The following ARSB variants were observed in gnomAD, a reference collection of about 807,000 sequenced individuals.
The protein encoded by ARSB is N-acetylgalactosamine-4-sulfatase.
A neutral mutation model predicts 50.9 loss-of-function variants in ARSB; 41 were observed. That is an observed-to-expected ratio of 0.81 (90% CI 0.63 to 1.04). The LOEUF (loss-of-function observed/expected upper bound fraction) is 1.04. ARSB is among the 50% of genes least tolerant of loss of function. The pLI is 0.00. For synonymous variants in ARSB, 269 were observed against 284.8 expected (o/e 0.94, Z 0.56); for missense variants, 672 against 693.3 (o/e 0.97, Z 0.35).
chr5:78,917,757 C>A (rs1049022417), intron 4 of ARSB, among the ~76,000 whole-genome samples: 1 of 152,200 alleles, frequency 6.6e-6, no homozygotes, highest in African/African-American at 2.4e-5. Flanking sequence ...AAGTGATCCA[C>A]CCACCTCGGC....
At chr5:78,905,337 T>C (rs60200329) in intron 4 of ARSB, among the ~76,000 whole-genome samples, 48,560 of 131,034 alleles carry the variant, frequency 0.37, 10,141 homozygotes, top group East Asian at 0.45. Context: ...ACTGCTCGTA[T>C]TTTCCTGTTT....
intron 6 of ARSB, among the ~76,000 whole-genome samples, chr5:78,833,097 T>C (rs1224470114): frequency 6.6e-6 from 1 of 152,168 alleles, no homozygotes; most frequent in Non-Finnish European, 1.5e-5. Context: ...GCAGTTCTCC[T>C]TGTGGTCTGA....
chr5:78,806,093 C>A (rs985324143), intron 6 of ARSB, among the ~76,000 whole-genome samples: 4 of 152,208 alleles, frequency 2.6e-5, no homozygotes, highest in Non-Finnish European at 5.9e-5. Context: ...CTGAGCAATA[C>A]AATAGAGAGA....
At chr5:78,841,068 G>A (rs1247851841) in intron 5 of ARSB, among the ~76,000 whole-genome samples, 6 of 151,910 alleles carry the variant, frequency 3.9e-5, no homozygotes, top group African/African-American at 1.5e-4. Flanking sequence ...GCTGAGATGG[G>A]AGGATCCCTT....
intron 6 of ARSB, among the ~76,000 whole-genome samples, chr5:78,802,317 AATTAT>A (rs1411579073): frequency 6.6e-6 from 1 of 150,634 alleles, no homozygotes; most frequent in Non-Finnish European, 1.5e-5. Context: ...ATATTATTTA[AATTAT>A]ATTTGTTAAA....
chr5:78,916,173 A>T (rs1749536227), intron 4 of ARSB, among the ~76,000 whole-genome samples: 1 of 152,126 alleles, frequency 6.6e-6, no homozygotes, highest in Non-Finnish European at 1.5e-5. Flanking sequence ...ATAATTACAC[A>T]CTCTACCTTA....
intron 5 of ARSB, among the ~76,000 whole-genome samples, chr5:78,875,632 T>C (rs954182432): frequency 6.6e-6 from 1 of 151,822 alleles, no homozygotes; most frequent in African/African-American, 2.4e-5. Flanking sequence ...ATGAAATAAA[T>C]ACATTCTTTC....
intron 6 of ARSB, among the ~76,000 whole-genome samples, chr5:78,791,201 G>A (rs1240591365): frequency 2.0e-5 from 3 of 152,140 alleles, no homozygotes; most frequent in Non-Finnish European, 4.4e-5. Flanking sequence ...AGCTGTCCCA[G>A]AAATTTGGTT....
intron 4 of ARSB, among the ~76,000 whole-genome samples, chr5:78,943,624 G>A (rs1316594901): frequency 1.3e-5 from 2 of 152,200 alleles, no homozygotes; most frequent in Non-Finnish European, 2.9e-5. Context: ...CTTCTGGCTT[G>A]TAGAGTTTCT....
At chr5:78,927,223 T>C (rs950014460) in intron 4 of ARSB, among the ~76,000 whole-genome samples, 5 of 152,238 alleles carry the variant, frequency 3.3e-5, no homozygotes, top group Non-Finnish European at 7.3e-5. Context: ...ATATTATCAT[T>C]TCAATATGTA....
intron 6 of ARSB, among the ~76,000 whole-genome samples, chr5:78,830,487 C>A (rs1456638695): frequency 1.3e-5 from 2 of 152,050 alleles, no homozygotes; most frequent in African/African-American, 4.8e-5. Flanking sequence ...GTAGCCTAGG[C>A]CAGTGGTGAG....
rs427984 is a variant in ARSB at position 78,891,976 on chromosome 5, T to A, written c.899-6149A>T. Among the ~76,000 whole-genome samples the A allele has an allele frequency of 1.2e-4, 18 of 151,940 alleles. No individual in the cohort carries two copies. The East Asian group carries it at 2.5e-3, about 21-fold the overall frequency. On this transcript the variant is annotated intron_variant, in intron 4 of 7. Transcript: ENST00000264914. ...TGGGTTTGGGCAAGTACTCAATCTCTGAGCCTAAGTTTCCTTATTTGAGAA... is the reference window on the plus strand; with the variant it reads ...TGGGTTTGGGCAAGTACTCAATCTCAGAGCCTAAGTTTCCTTATTTGAGAA...
At chr5:78,823,229 A>G (rs529948938) in intron 6 of ARSB, among the ~76,000 whole-genome samples, 1 of 152,308 alleles carries the variant, frequency 6.6e-6, no homozygotes, top group Admixed American at 6.5e-5. Flanking sequence ...AAGCTCACAT[A>G]ATGATGACAC....
chr5:78,783,182 T>C (rs192998148), intron 6 of ARSB: 1 of 152,348 alleles, frequency 6.6e-6, no homozygotes, highest in East Asian at 1.9e-4. Flanking sequence ...CTTCGAAAGG[T>C]TGCTGAACCA....
intron 5 of ARSB, among the ~76,000 whole-genome samples, chr5:78,867,528 T>A (rs1161703830): frequency 2.0e-5 from 3 of 152,102 alleles, no homozygotes; most frequent in Non-Finnish European, 4.4e-5. Context: ...CCGAGCAGCC[T>A]AACTGGGAGG....
intron 4 of ARSB, among the ~76,000 whole-genome samples, chr5:78,930,055 TACACAGGGTTA>T (rs1750249508): frequency 6.6e-6 from 1 of 152,124 alleles, no homozygotes; most frequent in African/African-American, 2.4e-5. Flanking sequence ...GAATGCACTG[TACACAGGGTTA>T]TTTGCAGCCC....
chr5:78,800,357 A>G (rs1743342273), intron 6 of ARSB, among the ~76,000 whole-genome samples: 1 of 146,336 alleles, frequency 6.8e-6, no homozygotes, highest in Non-Finnish European at 1.5e-5. Flanking sequence ...GCAGCAGCAA[A>G]GTAGGAAGCT....
chr5:78,885,727 T>C lies in ARSB; in HGVS notation c.999A>G (p.Ala333=), dbSNP rs1580000383. 1 of 1,614,112 alleles carries C rather than the reference T, an allele frequency of 6.2e-7. No individual in the cohort carries two copies. The highest frequency in any genetic ancestry group is 2.2e-5 in the East Asian group (1 of 44,862). The change falls in exon 5 of 8, where the codon GCA becomes GCG. Residue 333 remains alanine, a synonymous_variant. Coordinates refer to ENST00000264914, the MANE Select transcript of ARSB (RefSeq NM_000046.5). ...CGCCCTTCTGCTTCAGCAAGGGGCT[T>C]GCCACAAAGCCCACCCCTCGGACGC... ...EGGVRGVGFV[A]SPLLKQKGVK...
intron 4 of ARSB, among the ~76,000 whole-genome samples, chr5:78,939,442 C>T (rs1287128764): frequency 2.0e-5 from 3 of 152,028 alleles, no homozygotes; most frequent in Admixed American, 6.6e-5. Context: ...TTCCCCCGAC[C>T]CCACAACAGG....
Sources: gnomAD v4.1 joint callset for allele counts (sites outside exome capture counted in the v4.1 genomes callset) on GRCh38, gnomAD v4.1.1 for gene constraint, MANE v1.5 for transcripts, NCBI Gene and HGNC (gene_info 2026-07-23, HGNC 2026-07-21) for gene names.